DPF2: variants seen among roughly 807,000 people sequenced by gnomAD.
The protein encoded by DPF2 is zinc finger protein ubi-d4.
Under a neutral mutation model 59.6 loss-of-function variants are expected in DPF2, and 10 were observed. The ratio of observed to expected loss-of-function variants is 0.17; its 90% CI spans 0.10 to 0.28. The LOEUF (loss-of-function observed/expected upper bound fraction) is 0.28, where lower values mean the gene tolerates loss of function less well. Among genes scored for constraint, DPF2 ranks in the 10% least tolerant of loss-of-function variants. The pLI, the probability that DPF2 is intolerant of heterozygous loss-of-function variation, is 1.00. For missense variants in DPF2, 315 were observed against 509.4 expected, an observed-to-expected ratio of 0.62 and a Z score of 3.67; for synonymous variants, 189 against 190.6, an observed-to-expected ratio of 0.99 and a Z score of 0.07.
Position 65,333,893 on chromosome 11 carries a change from G to C in DPF2, c.7G>C (p.Ala3Pro). 1.2e-6 allele frequency: 2 copies of C among 1,614,050 alleles called. No homozygotes were observed. The highest frequency in any genetic ancestry group is 1.7e-6 in the Non-Finnish European group (2 of 1,179,982). Residue 3 changes from alanine to proline, a missense_variant, in exon 1 of 11, where the codon GCT becomes CCT. By Grantham distance (27) the Ala-to-Pro change is conservative. Coordinates refer to ENST00000528416, the MANE Select transcript of DPF2 (RefSeq NM_006268.5). MA[A>P]VVENVVKLLG... Reference sequence around the variant, plus strand: ...AGGCAGAGGAACAGGGAAGATGGCGGCTGTGGTGGAGAATGTAGTGAAGCT... The same window carrying C: ...AGGCAGAGGAACAGGGAAGATGGCGCCTGTGGTGGAGAATGTAGTGAAGCT...
chr11:65,338,808 A>G (rs1854282882), intron 1 of DPF2, among the ~76,000 whole-genome samples: 1 of 152,168 alleles, frequency 6.6e-6, no homozygotes, highest in Admixed American at 6.5e-5. Flanking sequence ...ACCCTGTCAC[A>G]TTCTAGAGCA....
chr11:65,334,997 T>G (rs1045717371), intron 1 of DPF2, among the ~76,000 whole-genome samples: 5 of 151,960 alleles, frequency 3.3e-5, no homozygotes, highest in African/African-American at 7.3e-5. Flanking sequence ...GTAAGTTGCT[T>G]CTCCCTCCTG....
intron 10 of DPF2, 37 bp from the exon 11 acceptor site, chr11:65,351,646 G>C: frequency 6.3e-7 from 1 of 1,590,028 alleles, no homozygotes; most frequent in Non-Finnish European, 8.6e-7. Flanking sequence ...TGGGGATTGT[G>C]TGGGACCCAT....
chr11:65,337,496 T>TAGAGAG (rs1475373950), intron 1 of DPF2, among the ~76,000 whole-genome samples: 15 of 57,214 alleles, frequency 2.6e-4, no homozygotes, highest in Non-Finnish European at 3.3e-4. Context: ...TATATATATA[T>TAGAGAG]ATATATATAG....
chr11:65,344,380 C>A (rs557025395), intron 6 of DPF2: 4 of 626,554 alleles, frequency 6.4e-6, no homozygotes, highest in South Asian at 6.1e-5. Flanking sequence ...TAAGCCAGGG[C>A]CCCAGGGGTC....
rs1239671817 is a variant in DPF2, at chr11:65,341,466, G to T, written c.369G>T (p.Leu123Phe). ...ATGGCAGTAGTTTAGAGGCTCTGTT[G>T]CGCACTGACCCCCTGGAGAAGCGAG... ...SQDGSSLEAL[L>F]RTDPLEKRGA... is the part of the protein sequence containing the mutation. Residue 123 changes from leucine to phenylalanine, a missense_variant, in exon 4 of 11, where the codon TTG becomes TTT. By Grantham distance (22) the Leu-to-Phe change is conservative. This residue lies in a region of DPF2 where 228 missense variants were observed against 275.3 expected (regional missense o/e 0.83). Coordinates refer to ENST00000528416, the MANE Select transcript of DPF2 (RefSeq NM_006268.5). 6.2e-7 allele frequency: 1 copy of T among 1,614,210 alleles called. No homozygotes were observed. Among genetic ancestry groups the T allele is most frequent in the African/African-American group, 1.3e-5 (1 of 75,052 alleles).
At chr11:65,348,739 C>T in intron 9 of DPF2, 111 bp from the exon 10 acceptor site, 3 of 967,872 alleles carry the variant, frequency 3.1e-6, no homozygotes, top group Non-Finnish European at 4.7e-6. Context: ...ATAAGATTCT[C>T]ACATCTGTTC....
chr11:65,341,141 T>A, intron 3 of DPF2, 68 bp downstream of exon 3: 11 of 1,517,088 alleles, frequency 7.3e-6, no homozygotes, highest in Non-Finnish European at 1.0e-5. Flanking sequence ...ATCACTGTGA[T>A]ATACCAGGCC....
chr11:65,348,251 C>T (rs1390060684), intron 9 of DPF2: 1 of 152,636 alleles, frequency 6.6e-6, no homozygotes, highest in Non-Finnish European at 1.5e-5. Context: ...CACCACCGCA[C>T]TCTAGCCTGG....
chr11:65,350,362 T>TTTTC (rs1273842975), intron 10 of DPF2, among the ~76,000 whole-genome samples: 12 of 151,118 alleles, frequency 7.9e-5, no homozygotes, highest in Admixed American at 1.3e-4. Flanking sequence ...CTCTTTTTCT[T>TTTTC]TTTCTTTCTT....
chr11:65,344,348 C>T, intron 6 of DPF2: 2 of 610,876 alleles, frequency 3.3e-6, no homozygotes, highest in East Asian at 5.5e-5. Flanking sequence ...AACAGATGGC[C>T]TGCAGGTCTC....
chr11:65,346,586 A>G (rs1373796421), intron 9 of DPF2: 11 of 479,818 alleles, frequency 2.3e-5, no homozygotes, highest in East Asian at 1.0e-4. Context: ...GCTAAAGACA[A>G]ACAAGGTCCC....
chr11:65,341,005 G>A lies in DPF2; in HGVS notation c.233G>A (p.Arg78His), dbSNP rs746166076. Residue 78 changes from arginine (R) to histidine (H), a missense_variant, in exon 3 of 11, where the codon CGC (arginine) becomes CAC (histidine). Transcript: ENST00000528416. ...CAGCTGTACTCCTACCCTGCCCGGC[G>A]CTGGCGGAAAAAGCGGCGAGCCCAT... is the stretch of plus-strand genomic sequence containing the variant. ...SGQLYSYPARRWRKKRRAHPP... is the reference protein window; with the variant it reads ...SGQLYSYPARHWRKKRRAHPP... 1.9e-6 allele frequency: 3 copies of A among 1,613,966 alleles called. No homozygotes were observed. The highest frequency in any genetic ancestry group is 1.3e-5 in the African/African-American group (1 of 74,906).
chr11:65,344,123 CT>C (rs1854460557), intron 6 of DPF2, 54 bp downstream of exon 6: 2 of 1,565,208 alleles, frequency 1.3e-6, no homozygotes, highest in African/African-American at 1.4e-5. Context: ...AGCTCCTGCT[CT>C]GGATATGAGA....
intron 9 of DPF2, chr11:65,348,608 A>AG (rs879798003): frequency 3.5e-4 from 133 of 376,538 alleles, no homozygotes; most frequent in African/African-American, 2.4e-3. Flanking sequence ...CTTGGGCTTT[A>AG]GGGAAAAAAA....
At chr11:65,336,995 G>A (rs1480779434) in intron 1 of DPF2, among the ~76,000 whole-genome samples, 1 of 152,046 alleles carries the variant, frequency 6.6e-6, no homozygotes, top group East Asian at 1.9e-4. Context: ...GGCTGAGGCA[G>A]AAGAATCGCT....
chr11:65,351,180 G>A (rs151300662), intron 10 of DPF2, among the ~76,000 whole-genome samples: 6 of 152,116 alleles, frequency 3.9e-5, no homozygotes, highest in African/African-American at 1.2e-4. Context: ...GTCCAAATGC[G>A]CATAGGTATA....
intron 10 of DPF2, among the ~76,000 whole-genome samples, chr11:65,349,982 C>T (rs1854645907): frequency 6.6e-6 from 1 of 152,094 alleles, no homozygotes; most frequent in East Asian, 1.9e-4. Flanking sequence ...AGAATGAGGC[C>T]CCTGACAATG....
At chr11:65,336,563 G>A (rs1030007769) in intron 1 of DPF2, among the ~76,000 whole-genome samples, 15 of 151,760 alleles carry the variant, frequency 9.9e-5, no homozygotes, top group Non-Finnish European at 2.1e-4. Flanking sequence ...AGTCCGAGGC[G>A]GGCAGATCAC....
Sources: gnomAD v4.1 joint callset for allele counts (sites outside exome capture counted in the v4.1 genomes callset) on GRCh38, gnomAD v4.1.1 for gene constraint, gnomAD v4.1.1 regional missense constraint, MANE v1.5 for transcripts, NCBI Gene and HGNC (gene_info 2026-07-23, HGNC 2026-07-21) for gene names.